The following TTN variants were observed in gnomAD, a reference collection of about 807,000 sequenced individuals.
TTN encodes titin.
In TTN, 1,525 loss-of-function variants were observed where a neutral mutation model predicts 3,223.0. The ratio of observed to expected loss-of-function variants is 0.47; its 90% confidence interval spans 0.45 to 0.49. The LOEUF (loss-of-function observed/expected upper bound fraction) is 0.49, where lower values mean the gene tolerates loss of function less well. Among genes scored for constraint, TTN ranks in the 20% least tolerant of loss-of-function variants. The probability of loss-of-function intolerance (pLI) is 0.00; values close to 1 mark genes in which losing one functional copy is unlikely to be tolerated. For synonymous variants in TTN, 14,094 were observed against 15,161.0 expected, an observed-to-expected ratio of 0.93 and a Z score of 5.17; for missense variants, 40,786 against 43,424.0, an observed-to-expected ratio of 0.94 and a Z score of 5.40.
At chr2:178,745,923 C>T (rs1021881904) in intron 47 of TTN, 3 of 1,608,642 alleles carry the variant, frequency 1.9e-6, no homozygotes, top group African/African-American at 2.7e-5. Context: ...AAGACCAATT[C>T]TTCCATTAAA....
intron 236 of TTN, 92 bp downstream of exon 236, chr2:178,632,055 T>C (rs2059872047): frequency 7.3e-7 from 1 of 1,370,866 alleles, no homozygotes; most frequent in East Asian, 2.5e-5. Flanking sequence ...TTTCATGCAA[T>C]ATAACACTTA....
chr2:178,574,944 G>T lies in TTN; in HGVS notation c.71188C>A (p.Pro23730Thr), dbSNP rs1709530947. 1 of 1,613,022 alleles carries T rather than the reference G, an allele frequency of 6.2e-7. No individual in the cohort carries two copies. Among genetic ancestry groups the T allele is most frequent in the Admixed American group, 1.7e-5 (1 of 59,968 alleles). Residue 23730 changes from proline to threonine, a missense_variant, in exon 326 of 363, where the codon CCT becomes ACT. Coordinates refer to ENST00000589042, the MANE Select transcript of TTN (RefSeq NM_001267550.2). Reference sequence around the variant, plus strand: ...TCATCAAATTTGATTGGTCCAGTAGGTGGCCCTGGGATATCATGGACTTGA... The same window carrying T: ...TCATCAAATTTGATTGGTCCAGTAGTTGGCCCTGGGATATCATGGACTTGA... ...TIQVHDIPGP[P>T]TGPIKFDEVS...
chr2:178,593,540 A>G, intron 298 of TTN, 28 bp downstream of exon 298: 1 of 1,602,428 alleles, frequency 6.2e-7, no homozygotes, highest in Non-Finnish European at 8.5e-7. Flanking sequence ...TCAAGCATTG[A>G]ATCACTAAAA....
chr2:178,741,134 T>A lies in TTN; in HGVS notation c.12099A>T (p.Thr4033=), dbSNP rs781206140. The change falls in exon 48 of 363, where the codon ACA becomes ACT. Residue 4033 remains threonine, a synonymous_variant. Coordinates refer to ENST00000589042, the MANE Select transcript of TTN (RefSeq NM_001267550.2). The part of the protein sequence containing the change: ...AAELLVLLED[T]DMTDTPCKAK... ...CTTTGCAGGGGGTATCAGTCATGTC[T>A]GTGTCTTCCAGAAGCACAAGCAGCT... is the stretch of plus-strand genomic sequence containing the variant. 2.5e-6 allele frequency: 4 copies of A among 1,613,594 alleles called. No individual in the cohort carries two copies. In the African/African-American group the frequency reaches 5.3e-5, roughly 22 times the overall value.
rs775301931 is a variant in TTN, at chr2:178,598,834, T to C, written c.56876A>G (p.Tyr18959Cys). The change falls in exon 291 of 363, where the codon TAT becomes TGT. Residue 18959 changes from tyrosine to cysteine, a missense_variant. By Grantham distance (194) the Tyr-to-Cys change is radical. Transcript: ENST00000589042. ...KVTGLIEGSD[Y>C]QFRVYAINAA... ...ATTGATTGCATATACCCGGAATTGA[T>C]AGTCGGAACCTTCAATAAGACCAGT... 1.2e-6 allele frequency: 2 copies of C among 1,613,324 alleles called. No individual in the cohort carries two copies. The highest frequency in any genetic ancestry group is 3.3e-5 in the Admixed American group (2 of 59,980).
rs532157196 is a variant in TTN, at chr2:178,574,833, G to A, written c.71299C>T (p.Arg23767Trp). 5.6e-6 allele frequency: 9 copies of A among 1,612,888 alleles called. No homozygotes were observed. The highest frequency in any genetic ancestry group is 4.0e-5 in the African/African-American group (3 of 74,990). ...ACCCAGGTAGTACTGTCAGTCTGCCGCATTTCCACTACATAGTTGCTTATT... is the reference window on the plus strand; with the variant it reads ...ACCCAGGTAGTACTGTCAGTCTGCCACATTTCCACTACATAGTTGCTTATT... The part of the protein sequence containing the change: ...VPISNYVVEM[R>W]QTDSTTWVEL... The change falls in exon 326 of 363, where the codon CGG becomes TGG. Residue 23767 changes from arginine to tryptophan, a missense_variant. Transcript: ENST00000589042.
Position 178,620,828 on chromosome 2 carries a change from A to T in TTN, c.45782T>A (p.Val15261Asp), listed in dbSNP as rs978618827. Residue 15261 changes from valine to aspartate, a missense_variant, in exon 247 of 363, where the codon GTC becomes GAC. Physicochemically the swap from Val to Asp is radical, Grantham distance 152 (BLOSUM62 -3). Transcript: ENST00000589042. ...TGCATCTCTAATTCTGAGGGTGTAGACTAGGTCTTTTTGGAGAATGATGTA... is the reference window on the plus strand; with the variant it reads ...TGCATCTCTAATTCTGAGGGTGTAGTCTAGGTCTTTTTGGAGAATGATGTA... The part of the protein sequence containing the change: ...SKYIILQKDL[V>D]YTLRIRDAHL... 12 of 1,612,752 alleles carry T rather than the reference A, an allele frequency of 7.4e-6. No homozygotes were observed. Among genetic ancestry groups the T allele is most frequent in the Middle Eastern group, 3.3e-4 (2 of 6,050 alleles).
At position 178,586,584 on chromosome 2, in the gene TTN, A is replaced by G; in HGVS notation, c.64317T>C (p.Phe21439=). The change falls in exon 308 of 363, where the codon TTT becomes TTC. Residue 21439 remains phenylalanine (F), a synonymous_variant. Transcript: ENST00000589042. ...TGLKEGKKYK[F]RVAARNAVGV... is the part of the protein sequence containing the mutation. ...CAACAGCATTTCTGGCCGCTACTCT[A>G]AATTTGTATTTCTTTCCTTCCTTTA... 1.2e-6 allele frequency: 2 copies of G among 1,613,214 alleles called. No individual in the cohort carries two copies. Among genetic ancestry groups the G allele is most frequent in the Non-Finnish European group, 1.7e-6 (2 of 1,179,408 alleles).
At position 178,530,684 on chromosome 2, in the gene TTN, C is replaced by T; in HGVS notation, c.105931G>A (p.Val35311Ile). The change falls in exon 358 of 363, where the codon GTA becomes ATA. Residue 35311 changes from valine to isoleucine, a missense_variant. Transcript: ENST00000589042. ...AKLTCVVESSVLRAKEVTWYK... is the reference protein window; with the variant it reads ...AKLTCVVESSILRAKEVTWYK... ...CAGGTGACCTCTTTTGCCCTTAATA[C>T]ACTGCTTTCAACCACACAGGTCAGT... 2.5e-6 allele frequency: 4 copies of T among 1,613,982 alleles called. No individual in the cohort carries two copies. The highest frequency in any genetic ancestry group is 2.5e-6 in the Non-Finnish European group (3 of 1,179,882).
chr2:178,608,011 G>A lies in TTN; in HGVS notation c.52776C>T (p.Pro17592=). The part of the protein sequence containing the change: ...SSTTIELEWE[P]PAFNGGGEIV... ...TTTCCCCACCACCATTGAAAGCTGG[G>A]GGTTCCCATTCTAGTTCAATAGTTG... is the stretch of plus-strand genomic sequence containing the variant. Residue 17592 remains proline (P), a synonymous_variant, in exon 276 of 363, where the codon CCC becomes CCT. Coordinates refer to ENST00000589042, the MANE Select transcript of TTN (RefSeq NM_001267550.2). 1.2e-6 allele frequency: 2 copies of A among 1,612,842 alleles called. No homozygotes were observed. The highest frequency in any genetic ancestry group is 2.2e-5 in the East Asian group (1 of 44,600).
chr2:178,799,893 C>G lies in TTN; in HGVS notation c.601G>C (p.Ala201Pro). 3 of 1,614,086 alleles carry G rather than the reference C, an allele frequency of 1.9e-6. No homozygotes were observed. Among genetic ancestry groups the G allele is most frequent in the Non-Finnish European group, 2.5e-6 (3 of 1,180,006 alleles). The change falls in exon 5 of 363, where the codon GCT becomes CCT. Residue 201 changes from alanine to proline, a missense_variant. Physicochemically the swap from Ala to Pro is conservative, Grantham distance 27. Transcript: ENST00000589042. The part of the protein sequence containing the change: ...LLVQGEEEVP[A>P]KKTKTIVSTA... ...GAAACAATTGTCTTTGTCTTTTTAG[C>G]AGGTACTTCTTCTTCACCTGTGGGA... is the stretch of plus-strand genomic sequence containing the variant.
At chr2:178,805,958 C>T (rs2094299410) in intron 1 of TTN, among the ~76,000 whole-genome samples, 1 of 152,158 alleles carries the variant, frequency 6.6e-6, no homozygotes, top group South Asian at 2.1e-4. Flanking sequence ...TGCATAAATA[C>T]CTAATTATTC....
chr2:178,712,191 C>A lies in TTN; in HGVS notation c.27639G>T (p.Pro9213=). 6.2e-7 allele frequency: 1 copy of A among 1,613,552 alleles called. No individual in the cohort carries two copies. Among genetic ancestry groups the A allele is most frequent in the Non-Finnish European group, 8.5e-7 (1 of 1,179,656 alleles). ...CAGAATCTCCAACAGACACCTTAACCGGCTCCAACTGCTTGACAAAATACG... is the reference window on the plus strand; with the variant it reads ...CAGAATCTCCAACAGACACCTTAACAGGCTCCAACTGCTTGACAAAATACG... The part of the protein sequence containing the change: ...EPPYFVKQLE[P]VKVSVGDSAS... Residue 9213 remains proline (P), a synonymous_variant, in exon 96 of 363, where the codon CCG becomes CCT. Transcript: ENST00000589042.
Position 178,717,106 on chromosome 2 carries a change from A to G in TTN, c.25628T>C (p.Leu8543Pro). 6.2e-7 allele frequency: 1 copy of G among 1,611,968 alleles called. No homozygotes were observed. The highest frequency in any genetic ancestry group is 8.5e-7 in the Non-Finnish European group (1 of 1,178,418). Residue 8543 changes from leucine (L) to proline (P), a missense_variant, in exon 88 of 363, where the codon CTG becomes CCG. Transcript: ENST00000589042. ...IAGKDSCSAQ[L>P]GVQEPPRFIK... ...ACTCTAACAAGTACCTTGTACACCC[A>G]GCTGAGCAGAACAAGAGTCTTTTCC... is the stretch of plus-strand genomic sequence containing the variant.
At position 178,621,174 on chromosome 2, in the gene TTN, T is replaced by C; in HGVS notation, c.45544A>G (p.Thr15182Ala). The C allele has an allele frequency of 6.2e-7, 1 of 1,612,652 alleles. No individual in the cohort carries two copies. Among genetic ancestry groups the C allele is most frequent in the East Asian group, 2.2e-5 (1 of 44,614 alleles). Reference sequence around the variant, plus strand: ...ACGTAAGTGCCCATATCTTGTAATGTGGCATCTTTCACAACTAGGACCCTC... The same window carrying C: ...ACGTAAGTGCCCATATCTTGTAATGCGGCATCTTTCACAACTAGGACCCTC... ...KKRVLVVKDA[T>A]LQDMGTYVVM... Residue 15182 changes from threonine (T) to alanine (A), a missense_variant, in exon 246 of 363, where the codon ACA becomes GCA. Physicochemically the swap from Thr to Ala is moderately conservative, Grantham distance 58. Coordinates refer to ENST00000589042, the MANE Select transcript of TTN (RefSeq NM_001267550.2).
At chr2:178,630,783 C>T in intron 238 of TTN, 21 bp downstream of exon 238, 1 of 1,601,642 alleles carries the variant, frequency 6.2e-7, no homozygotes, top group South Asian at 1.1e-5. Flanking sequence ...TAGGTGTTGA[C>T]AAGTTCAGAA....
Position 178,706,916 on chromosome 2 carries a change from C to T in TTN, c.29080G>A (p.Val9694Ile). The change falls in exon 101 of 363, where the codon GTA (valine) becomes ATA (isoleucine). Residue 9694 changes from valine to isoleucine, a missense_variant. Physicochemically the swap from Val to Ile is conservative, Grantham distance 29. Transcript: ENST00000589042. The part of the protein sequence containing the change: ...AVAPATKKAA[V>I]DGRLFFVSEP... ...GACACAAAAAAGAGTCTTCCATCTA[C>T]CGCAGCTTTCTTGGTTGCTGGGGCC... 2.5e-6 allele frequency: 4 copies of T among 1,612,108 alleles called. No homozygotes were observed. Among genetic ancestry groups the T allele is most frequent in the Non-Finnish European group, 3.4e-6 (4 of 1,179,036 alleles).
Position 178,543,270 on chromosome 2 carries a change from T to A in TTN, c.96703A>T (p.Thr32235Ser). 6.2e-7 allele frequency: 1 copy of A among 1,613,854 alleles called. No homozygotes were observed. Among genetic ancestry groups the A allele is most frequent in the Non-Finnish European group, 8.5e-7 (1 of 1,179,800 alleles). ...TTGCAGGCCTCGAGAACATATCCAG[T>A]GAGTCGGCTACCACCATCGTAGAGT... is the stretch of plus-strand genomic sequence containing the variant. ...KPLYDGGSRL[T>S]GYVLEACKAG... Residue 32235 changes from threonine to serine, a missense_variant, in exon 347 of 363, where the codon ACT (threonine) becomes TCT (serine). Coordinates refer to ENST00000589042, the MANE Select transcript of TTN (RefSeq NM_001267550.2).
At chr2:178,613,716 C>G in intron 263 of TTN, 35 bp downstream of exon 263, 1 of 1,594,146 alleles carries the variant, frequency 6.3e-7, no homozygotes, top group Non-Finnish European at 8.6e-7. Context: ...GAATATACTG[C>G]TGTCTTAACA....
Sources: gnomAD v4.1 joint callset for allele counts (sites outside exome capture counted in the v4.1 genomes callset) on GRCh38, gnomAD v4.1.1 for gene constraint, MANE v1.5 for transcripts, NCBI Gene and HGNC (gene_info 2026-07-23, HGNC 2026-07-21) for gene names.